The following EIF3M variants were observed in gnomAD, a reference collection of about 807,000 sequenced individuals.
The protein encoded by EIF3M is B5 receptor.
EIF3M carries 25 observed loss-of-function variants against 49.7 expected under a neutral mutation model. That is an observed-to-expected ratio of 0.50 (90% CI 0.37 to 0.70). The LOEUF is 0.70. Among genes scored for constraint, EIF3M ranks in the 30% least tolerant of loss-of-function variants. EIF3M has a pLI of 0.00. For synonymous variants in EIF3M, 156 were observed against 149.8 expected (o/e 1.04, Z -0.30); for missense variants, 350 against 440.0 (o/e 0.80, Z 1.83).
At chr11:32,584,202 G>C (rs1347351246) in intron 1 of EIF3M, 1 of 500,208 alleles carries the variant, frequency 2.0e-6, no homozygotes, top group Non-Finnish European at 3.6e-6. Context: ...CTTTTAGACT[G>C]ATGAGGAATG....
At chr11:32,597,521 AT>A (rs1483445750) in intron 8 of EIF3M, among the ~76,000 whole-genome samples, 2 of 152,156 alleles carry the variant, frequency 1.3e-5, no homozygotes, top group Non-Finnish European at 2.9e-5. Context: ...TTATCTTTGA[AT>A]TTTCTTGTCT....
Position 32,589,588 on chromosome 11 carries a change from A to C in EIF3M, c.480A>C (p.Lys160Asn). 1 of 1,614,174 alleles carries C rather than the reference A, an allele frequency of 6.2e-7. No individual in the cohort carries two copies. Among genetic ancestry groups the C allele is most frequent in the Middle Eastern group, 1.7e-4 (1 of 6,050 alleles). The change falls in exon 5 of 11, where the codon AAA (lysine) becomes AAC (asparagine). Residue 160 changes from lysine (K) to asparagine (N), a missense_variant. By Grantham distance (94) the Lys-to-Asn change is moderately conservative. Coordinates refer to ENST00000531120, the MANE Select transcript of EIF3M (RefSeq NM_006360.6). ...WISDWNLTTEKKHTLLRLLYE... is the reference protein window; with the variant it reads ...WISDWNLTTENKHTLLRLLYE... ...CTGACTGGAATCTCACCACTGAAAA[A>C]AAGCACACCCTTTTAAGACTACTTT...
intron 3 of EIF3M, 122 bp from the exon 4 acceptor site, chr11:32,588,890 T>C: frequency 1.3e-6 from 2 of 1,530,632 alleles, no homozygotes; most frequent in Non-Finnish European, 1.8e-6. Flanking sequence ...TGTGCCCTAG[T>C]TTCCTCCTTT....
At position 32,594,904 on chromosome 11, in the gene EIF3M, T is replaced by C. The variant is rs773840093; in HGVS notation, c.618-10T>C. 1 of 1,597,526 alleles carries C rather than the reference T, an allele frequency of 6.3e-7. No homozygotes were observed. On this transcript the variant is annotated splice_polypyrimidine_tract_variant and intron_variant, in intron 6 of 10. Transcript: ENST00000531120. ...AAACCCTGAGCTTACATTTTTGTTC[T>C]CTAATTAAGGTGTATTGTACGAGCA...
At chr11:32,598,473 C>T (rs1216213916) in intron 8 of EIF3M, among the ~76,000 whole-genome samples, 1 of 152,046 alleles carries the variant, frequency 6.6e-6, no homozygotes, top group African/African-American at 2.4e-5. Flanking sequence ...TGAAACAAAG[C>T]ACAGCTTCCT....
intron 4 of EIF3M, 122 bp from the exon 5 acceptor site, chr11:32,589,425 C>A: frequency 9.9e-7 from 1 of 1,007,726 alleles, no homozygotes; most frequent in Non-Finnish European, 1.5e-6. Context: ...ATCCTCCTGC[C>A]TTGGCCTCCC....
At chr11:32,591,051 G>A (rs553240739) in intron 5 of EIF3M, among the ~76,000 whole-genome samples, 2 of 152,046 alleles carry the variant, frequency 1.3e-5, no homozygotes, top group Non-Finnish European at 2.9e-5. Context: ...GAATTTCACC[G>A]TGTTAGTCAG....
intron 9 of EIF3M, 133 bp from the exon 10 acceptor site, chr11:32,601,629 G>A: frequency 1.3e-6 from 1 of 764,754 alleles, no homozygotes; most frequent in South Asian, 2.0e-5. Context: ...TTGCTTATTA[G>A]ATTTAAACAG....
intron 8 of EIF3M, among the ~76,000 whole-genome samples, chr11:32,597,670 C>T (rs169326): frequency 0.44 from 66,989 of 151,912 alleles, 15,266 homozygotes; most frequent in African/African-American, 0.52. Flanking sequence ...AGAGAAAACT[C>T]AGAAAATCTG....
rs1855334784 is a variant in EIF3M, at chr11:32,605,288, C to CTGCAGAA, written c.*2889_*2890insTGCAGAA. 1 of 151,610 alleles carries CTGCAGAA rather than the reference C, an allele frequency of 6.6e-6. No individual in the cohort carries two copies. The highest frequency in any genetic ancestry group is 2.4e-5 in the African/African-American group (1 of 41,176). The allele number at this position is 151,610 out of a possible 1,614,324, so 9.4% of individuals were successfully genotyped here. On this transcript the variant is annotated 3_prime_UTR_variant, in exon 11 of 11. Coordinates refer to ENST00000531120, the MANE Select transcript of EIF3M (RefSeq NM_006360.6). ...TGAAATCCTATAGTCAGCCACTGGT[C>CTGCAGAA]CCCTCAGAGAGTTTTACCTCTGATC...
At chr11:32,586,833 GA>G in intron 1 of EIF3M, 178 bp from the exon 2 acceptor site, 1 of 725,348 alleles carries the variant, frequency 1.4e-6, no homozygotes, top group Non-Finnish European at 2.1e-6. Flanking sequence ...CCTCATGGAG[GA>G]AAACCTGTGG....
intron 5 of EIF3M, among the ~76,000 whole-genome samples, chr11:32,591,077 C>T (rs1855094130): frequency 6.6e-6 from 1 of 152,116 alleles, no homozygotes; most frequent in African/African-American, 2.4e-5. Context: ...TCTTGATCTC[C>T]TGACCCTGTG....
At chr11:32,590,750 TGA>T (rs1855087819) in intron 5 of EIF3M, among the ~76,000 whole-genome samples, 1 of 152,242 alleles carries the variant, frequency 6.6e-6, no homozygotes, top group South Asian at 2.1e-4. Context: ...AGTAAAATTC[TGA>T]GATTTTACCT....
At chr11:32,584,083 C>A in intron 1 of EIF3M, 154 bp downstream of exon 1, 2 of 1,015,694 alleles carry the variant, frequency 2.0e-6, no homozygotes, top group South Asian at 3.3e-5. Flanking sequence ...GGCGCGCGTT[C>A]CTGGCCTCGA....
rs1426120205 is a variant in EIF3M at position 32,605,179 on chromosome 11, T to TA, written c.*2780_*2781insA. 1.3e-5 allele frequency: 2 copies of TA among 151,134 alleles called. No homozygotes were observed. The highest frequency in any genetic ancestry group is 4.9e-5 in the African/African-American group (2 of 41,062). The allele number at this position is 151,134 out of a possible 1,614,324, so 9.4% of individuals were successfully genotyped here. On this transcript the variant is annotated 3_prime_UTR_variant, in exon 11 of 11. Transcript: ENST00000531120. ...GTAATACTTTTTTTTTTTTTTTTTTTTAATGAACTTAAATGTTTAGAATGG... is the reference window on the plus strand; with the variant it reads ...GTAATACTTTTTTTTTTTTTTTTTTTATAATGAACTTAAATGTTTAGAATGG...
intron 5 of EIF3M, 113 bp downstream of exon 5, chr11:32,589,754 GTTGCTA>G: frequency 2.9e-5 from 21 of 728,054 alleles, no homozygotes; most frequent in Non-Finnish European, 4.4e-5. Context: ...TCTCCACAGA[GTTGCTA>G]TAAATCTATT....
Position 32,603,871 on chromosome 11 carries a change from C to G in EIF3M, c.*1472C>G, listed in dbSNP as rs887186497. On this transcript the variant is annotated 3_prime_UTR_variant, in exon 11 of 11. Transcript: ENST00000531120. ...GAGTGGATTGCATGAGCTCAGGAGT[C>G]GAAAACTAGCCTGAGCAACATGGCA... The G allele has an allele frequency of 6.6e-6, 1 of 152,100 alleles. No individual in the cohort carries two copies. The highest frequency in any genetic ancestry group is 1.9e-4 in the East Asian group (1 of 5,182). The allele number at this position is 152,100 out of a possible 1,614,324, so 9.4% of individuals were successfully genotyped here. A position where few individuals can be genotyped will look rare whatever the true frequency, so the allele number is the denominator to read the frequency against.
chr11:32,589,647 C>CAA lies in EIF3M; in HGVS notation c.533+9_533+10dup. The CAA allele has an allele frequency of 6.2e-7, 1 of 1,612,192 alleles. No homozygotes were observed. The highest frequency in any genetic ancestry group is 8.5e-7 in the Non-Finnish European group (1 of 1,178,658). ...CTTGTGGATTGTAAGAAGAGGTATT[C>CAA]AAAAGTAATGAACTAACATATCACT... On this transcript the variant is annotated splice_region_variant and intron_variant, in intron 5 of 10. Transcript: ENST00000531120.
At position 32,605,708 on chromosome 11, in the gene EIF3M, A is replaced by G. The variant is rs1350134795; in HGVS notation, c.*3309A>G. 6.6e-6 allele frequency: 1 copy of G among 152,226 alleles called. No homozygotes were observed. The highest frequency in any genetic ancestry group is 1.5e-5 in the Non-Finnish European group (1 of 68,028). The allele number at this position is 152,226 out of a possible 1,614,324, so 9.4% of individuals were successfully genotyped here. ...AGGAGCAGGGATTGGCTTTAGAGAAACAAGATACAGTGTAGATTAGCTAAT... is the reference window on the plus strand; with the variant it reads ...AGGAGCAGGGATTGGCTTTAGAGAAGCAAGATACAGTGTAGATTAGCTAAT... On this transcript the variant is annotated 3_prime_UTR_variant, in exon 11 of 11. Coordinates refer to ENST00000531120, the MANE Select transcript of EIF3M (RefSeq NM_006360.6).
Sources: allele counts gnomAD v4.1 joint callset (sites outside exome capture counted in the v4.1 genomes callset), GRCh38; gene constraint gnomAD v4.1.1; transcripts MANE v1.5; gene names NCBI Gene and HGNC (gene_info 2026-07-23, HGNC 2026-07-21).